The following STAG1 variants were observed in gnomAD, a reference collection of about 807,000 sequenced individuals.
STAG1 encodes the protein cohesin subunit SA-1.
In STAG1, 26 loss-of-function variants were observed where a neutral mutation model predicts 170.9. That is an observed-to-expected ratio of 0.15 (90% CI 0.11 to 0.21). The LOEUF is 0.21. STAG1 is among the 10% of genes least tolerant of loss of function. The probability of loss-of-function intolerance (pLI) is 1.00; values close to 1 mark genes in which losing one functional copy is unlikely to be tolerated. For missense variants in STAG1, 964 were observed against 1,509.5 expected (o/e 0.64, Z 5.99); for synonymous variants, 514 against 497.7 (o/e 1.03, Z -0.44).
intron 4 of STAG1, among the ~76,000 whole-genome samples, chr3:136,577,148 G>T (rs532859846): frequency 6.6e-6 from 1 of 152,306 alleles, no homozygotes; most frequent in African/African-American, 2.4e-5. Context: ...TGTAAAGGCA[G>T]CAGGGTTAAG....
At chr3:136,565,011 A>AAGGAAGGAAGGAAGGAAGGCAGGC (rs1207671431) in intron 5 of STAG1, among the ~76,000 whole-genome samples, 5 of 45,440 alleles carry the variant, frequency 1.1e-4, no homozygotes, top group African/African-American at 2.5e-4. Context: ...GGAAGGAAGG[A>AAGGAAGGAAGGAAGGAAGGCAGGC]AGGCAGGCAG....
At chr3:136,669,516 A>G (rs938648735) in intron 1 of STAG1, among the ~76,000 whole-genome samples, 1 of 151,894 alleles carries the variant, frequency 6.6e-6, no homozygotes, top group African/African-American at 2.4e-5. Context: ...CACCATGCCT[A>G]ACTAAATTTT....
At chr3:136,397,841 A>G (rs765664501) in intron 22 of STAG1, among the ~76,000 whole-genome samples, 1 of 152,016 alleles carries the variant, frequency 6.6e-6, no homozygotes, top group East Asian at 1.9e-4. Flanking sequence ...TCATGGATAC[A>G]TTAAAATTCA....
At position 136,524,288 on chromosome 3, in the gene STAG1, T is replaced by C. The variant is rs541421123; in HGVS notation, c.472-2871A>G. On this transcript the variant is annotated intron_variant, in intron 6 of 33. Transcript: ENST00000383202. ...TATTTCATTGAGCAGTGGTTTGTAG[T>C]TCTCCTTGAAGAGGTCCTTCACATC... Among the ~76,000 whole-genome samples the C allele has an allele frequency of 6.3e-3, 955 of 152,322 alleles. 4 individuals are homozygous for C. The highest frequency in any genetic ancestry group is 0.01 in the Non-Finnish European group (692 of 68,024).
intron 14 of STAG1, among the ~76,000 whole-genome samples, chr3:136,443,788 C>T (rs945822182): frequency 9.2e-5 from 14 of 151,542 alleles, no homozygotes; most frequent in Admixed American, 8.5e-4. Context: ...TAATTTTTCC[C>T]TTGGAATTCC....
intron 2 of STAG1, among the ~76,000 whole-genome samples, chr3:136,627,395 A>C (rs1553756911): frequency 1.3e-5 from 2 of 152,186 alleles, no homozygotes; most frequent in Non-Finnish European, 2.9e-5. Flanking sequence ...AGGCTTTTGC[A>C]TCTCTCTGTC....
rs576368652 is a variant in STAG1 at position 136,370,676 on chromosome 3, C to A, written c.2371-1394G>T. 7.2e-5 allele frequency among the ~76,000 whole-genome samples: 11 copies of A among 152,292 alleles called. No homozygotes were observed. In the South Asian group the frequency reaches 2.3e-3, roughly 32 times the overall value. ...GTTTCCAGCTTCATCCATGTCCCTACAAAGGACATGAACTCATCATTTTTT... is the reference window on the plus strand; with the variant it reads ...GTTTCCAGCTTCATCCATGTCCCTAAAAAGGACATGAACTCATCATTTTTT... On this transcript the variant is annotated intron_variant, in intron 23 of 33. Transcript: ENST00000383202.
chr3:136,464,015 A>G (rs993240590), intron 13 of STAG1, among the ~76,000 whole-genome samples: 1 of 151,370 alleles, frequency 6.6e-6, no homozygotes, highest in African/African-American at 2.4e-5. Context: ...AAATGTTTAC[A>G]TGCATACACT....
intron 1 of STAG1, among the ~76,000 whole-genome samples, chr3:136,697,687 A>C (rs1027911087): frequency 6.6e-6 from 1 of 152,206 alleles, no homozygotes; most frequent in African/African-American, 2.4e-5. Flanking sequence ...GCTATAATGC[A>C]ATGTACTTTT....
At chr3:136,458,823 G>C (rs1041673517) in intron 13 of STAG1, among the ~76,000 whole-genome samples, 5 of 152,110 alleles carry the variant, frequency 3.3e-5, no homozygotes, top group Admixed American at 3.3e-4. Context: ...TGAAAGTGAA[G>C]GTATGGAAAA....
chr3:136,689,533 A>T (rs1414868635), intron 1 of STAG1, among the ~76,000 whole-genome samples: 1 of 152,214 alleles, frequency 6.6e-6, no homozygotes, highest in Non-Finnish European at 1.5e-5. Flanking sequence ...TATCAGGTCC[A>T]AATCATAGTT....
intron 16 of STAG1, among the ~76,000 whole-genome samples, chr3:136,430,626 TAAAA>T (rs11311172): frequency 2.3e-5 from 3 of 131,726 alleles, no homozygotes; most frequent in Non-Finnish European, 3.2e-5. Context: ...CTGAAGAGCT[TAAAA>T]AAAAAAAAAA....
At chr3:136,583,898 A>G (rs946942674) in intron 4 of STAG1, among the ~76,000 whole-genome samples, 1 of 152,204 alleles carries the variant, frequency 6.6e-6, no homozygotes, top group African/African-American at 2.4e-5. Context: ...CTTGCCCAAG[A>G]CCGTCCCAGT....
Position 136,341,508 on chromosome 3 carries a change from C to T in STAG1, c.3490G>A (p.Asp1164Asn), listed in dbSNP as rs1935969212. 6.2e-7 allele frequency: 1 copy of T among 1,613,824 alleles called. No individual in the cohort carries two copies. The highest frequency in any genetic ancestry group is 8.5e-7 in the Non-Finnish European group (1 of 1,179,968). ...CCTGTTCTGTCCTTCCGATTTAAGT[C>T]TTCTAACTTCGGCTGGCCTAACCAA... is the stretch of plus-strand genomic sequence containing the variant. ...ISWLGQPKLE[D>N]LNRKDRTGMN... Residue 1164 changes from aspartate (D) to asparagine (N), a missense_variant, in exon 31 of 34, where the codon GAC (aspartate) becomes AAC (asparagine). By Grantham distance (23) the Asp-to-Asn change is conservative (BLOSUM62 1). This residue lies in a region of STAG1 where 122 missense variants were observed against 129.0 expected (regional missense o/e 0.95). Transcript: ENST00000383202.
chr3:136,618,209 A>AT (rs1163984297), intron 3 of STAG1, among the ~76,000 whole-genome samples: 3 of 151,758 alleles, frequency 2.0e-5, no homozygotes, highest in East Asian at 1.9e-4. Context: ...TGTCATAACC[A>AT]TTTTTCCCAC....
chr3:136,624,143 G>C (rs1939985054), intron 2 of STAG1, among the ~76,000 whole-genome samples: 1 of 151,342 alleles, frequency 6.6e-6, no homozygotes, highest in Non-Finnish European at 1.5e-5. Context: ...CTGTCGCCCA[G>C]GCTGGAGTGC....
chr3:136,574,959 G>C (rs951627638), intron 4 of STAG1, among the ~76,000 whole-genome samples: 135 of 152,170 alleles, frequency 8.9e-4, no homozygotes, highest in African/African-American at 3.2e-3. Flanking sequence ...TACAGAGCAA[G>C]CTCTCTTGCA....
intron 6 of STAG1, 46 bp downstream of exon 6, chr3:136,542,073 G>T (rs1231811947): frequency 1.5e-6 from 2 of 1,335,580 alleles, no homozygotes; most frequent in Non-Finnish European, 2.1e-6. Context: ...TATTCATCAT[G>T]TGAAAGTATA....
intron 6 of STAG1, among the ~76,000 whole-genome samples, chr3:136,541,065 T>C (rs1377114096): frequency 1.3e-5 from 2 of 152,110 alleles, no homozygotes; most frequent in East Asian, 3.9e-4. Flanking sequence ...TTGGTATACA[T>C]TAGAATCACC....
Sources: allele counts gnomAD v4.1 joint callset (sites outside exome capture counted in the v4.1 genomes callset), GRCh38; gene constraint gnomAD v4.1.1; regional missense constraint gnomAD v4.1.1; transcripts MANE v1.5; gene names NCBI Gene and HGNC (gene_info 2026-07-23, HGNC 2026-07-21).